MADD: variants seen among roughly 807,000 people sequenced by gnomAD.
MADD encodes the protein MAP kinase activating death domain.
A neutral mutation model predicts 176.7 loss-of-function variants in MADD; 109 were observed. The ratio of observed to expected loss-of-function variants is 0.62; its 90% CI spans 0.53 to 0.72. The LOEUF (loss-of-function observed/expected upper bound fraction) is 0.72. Among genes scored for constraint, MADD ranks in the 30% least tolerant of loss-of-function variants. The pLI is 0.00. For synonymous variants in MADD, 771 were observed against 771.3 expected (o/e 1.00, Z 0.01); for missense variants, 1,914 against 2,045.5 (o/e 0.94, Z 1.24).
chr11:47,322,293 C>T (rs2094586654), intron 27 of MADD, among the ~76,000 whole-genome samples: 1 of 151,990 alleles, frequency 6.6e-6, no homozygotes, highest in Admixed American at 6.6e-5. Flanking sequence ...GTAATGTCTC[C>T]CGTAACATTT....
chr11:47,280,928 A>G (rs1050231915), intron 7 of MADD, among the ~76,000 whole-genome samples: 12 of 152,208 alleles, frequency 7.9e-5, no homozygotes, highest in Admixed American at 2.6e-4. Context: ...CCTGTGTTCT[A>G]ACTCCTGCTA....
chr11:47,323,781 C>T, exon 28 of MADD: 1 of 1,614,174 alleles, frequency 6.2e-7, no homozygotes, highest in Non-Finnish European at 8.5e-7. Context: ...AGGTGTTGTG[C>T]TTGTGGCGTA....
At chr11:47,318,559 G>C (rs1442008145) in intron 27 of MADD, among the ~76,000 whole-genome samples, 1 of 152,056 alleles carries the variant, frequency 6.6e-6, no homozygotes, top group Non-Finnish European at 1.5e-5. Context: ...CAGATTCCTT[G>C]AACTACTCTT....
intron 19 of MADD, among the ~76,000 whole-genome samples, chr11:47,293,251 C>T (rs2138882700): frequency 6.6e-6 from 1 of 151,756 alleles, no homozygotes; most frequent in East Asian, 1.9e-4. Flanking sequence ...CAGTGAAGCT[C>T]AGACTCTTGA....
intron 15 of MADD, 127 bp downstream of exon 15, chr11:47,286,661 A>G (rs1163823739): frequency 1.5e-6 from 1 of 672,466 alleles, no homozygotes; most frequent in Non-Finnish European, 2.6e-6. Flanking sequence ...GTTGCTCCTC[A>G]TGGCTTTCAC....
At chr11:47,284,790 T>C (rs2059454659) in intron 12 of MADD, 151 bp from the exon 13 acceptor site, 2 of 1,259,792 alleles carry the variant, frequency 1.6e-6, no homozygotes, top group South Asian at 2.8e-5. Flanking sequence ...ATATAGTTTG[T>C]GGGGACAGAG....
intron 12 of MADD, 151 bp downstream of exon 12, chr11:47,284,716 A>T (rs1464926594): frequency 8.0e-7 from 1 of 1,242,754 alleles, no homozygotes; most frequent in East Asian, 2.5e-5. Context: ...AGCCTAAGAG[A>T]CCTACTTTTG....
At chr11:47,270,440 A>AG (rs1308002952) in intron 1 of MADD, among the ~76,000 whole-genome samples, 194 bp downstream of exon 1, 2 of 119,078 alleles carry the variant, frequency 1.7e-5, no homozygotes, top group Non-Finnish European at 3.4e-5. Context: ...CGGGCAGAGG[A>AG]GGGGGCTCAG....
chr11:47,324,099 C>A, intron 28 of MADD, 166 bp from the exon 32 acceptor site: 4 of 669,398 alleles, frequency 6.0e-6, no homozygotes, highest in Non-Finnish European at 1.1e-5. Context: ...TGCTCCGGAT[C>A]TATCATTCAT....
In MADD at chr11:47,284,564, C is replaced by G. The variant is rs1013008661; in HGVS notation, c.2156C>G (p.Ser719Cys). 3.7e-6 allele frequency: 6 copies of G among 1,613,432 alleles called. No individual in the cohort carries two copies. In the Admixed American group the frequency reaches 5.0e-5, roughly 13 times the overall value. ...AGCACTGTCATCCACGGAGCCAACT[C>G]TGTAAGTGAGGAGCGGTGGATGAGT... Residue 719 changes from serine (S) to cysteine (C), a missense_variant and splice_region_variant, in exon 12 of 33, where the codon TCT becomes TGT. Transcript: ENST00000402192.
rs756420276 is a variant in MADD at position 47,281,573 on chromosome 11, A to G, written c.1291-2A>G. The G allele has an allele frequency of 2.5e-6, 4 of 1,593,840 alleles. No individual in the cohort carries two copies. The highest frequency in any genetic ancestry group is 3.4e-6 in the Non-Finnish European group (4 of 1,166,348). On this transcript the variant is annotated splice_acceptor_variant, in intron 7 of 32. Transcript: ENST00000402192. LOFTEE classifies it high-confidence loss of function. ...GTAAGGAATTTTCTTGTTGTTCCAC[A>G]GGCCTTGGCCAGCATGAGTCTCAAC...
intron 14 of MADD, 49 bp from the exon 15 acceptor site, chr11:47,286,384 T>A: frequency 8.1e-7 from 1 of 1,241,780 alleles, no homozygotes; most frequent in South Asian, 1.2e-5. Flanking sequence ...TCTACTGCTT[T>A]GATTACTTAC....
At chr11:47,329,457 C>T in exon 33 of MADD, 1 of 357,380 alleles carries the variant, frequency 2.8e-6, no homozygotes, top group Non-Finnish European at 5.3e-6. Flanking sequence ...GTTGTGGTTC[C>T]TTGTCCTTGT....
chr11:47,275,707 C>T (rs2049108498), intron 3 of MADD, among the ~76,000 whole-genome samples, 192 bp from the exon 4 acceptor site: 1 of 152,200 alleles, frequency 6.6e-6, no homozygotes, highest in African/African-American at 2.4e-5. Context: ...TAAGTCTTAC[C>T]CAGTATATAT....
exon 12 of MADD, chr11:47,284,550 C>T (rs1232830532): frequency 3.7e-6 from 6 of 1,613,766 alleles, no homozygotes; most frequent in South Asian, 2.2e-5. Flanking sequence ...GCACTGTCAT[C>T]CACGGAGCCA....
chr11:47,303,958 G>C (rs921545702), intron 22 of MADD, among the ~76,000 whole-genome samples: 7 of 152,040 alleles, frequency 4.6e-5, no homozygotes, highest in Non-Finnish European at 7.4e-5. Flanking sequence ...GAGCTTCCTG[G>C]ATCTGGCTGT....
At chr11:47,324,952 T>G in intron 30 of MADD, 1 of 592,624 alleles carries the variant, frequency 1.7e-6, no homozygotes, top group Non-Finnish European at 3.0e-6. Context: ...GCTTTGAGAG[T>G]CTAGACTGGC....
intron 1 of MADD, 123 bp from the exon 2 acceptor site, chr11:47,273,700 AAGTT>A (rs2047121055): frequency 1.4e-5 from 7 of 489,230 alleles, no homozygotes; most frequent in Non-Finnish European, 2.6e-5. Flanking sequence ...GGCAAGCGTC[AAGTT>A]CTCCTATCAT....
intron 22 of MADD, among the ~76,000 whole-genome samples, chr11:47,307,261 T>C (rs1371337127): frequency 6.6e-6 from 1 of 152,148 alleles, no homozygotes; most frequent in Non-Finnish European, 1.5e-5. Flanking sequence ...CCAGTGTGTT[T>C]TAATTCCAAA....
Sources: allele counts gnomAD v4.1 joint callset (sites outside exome capture counted in the v4.1 genomes callset), GRCh38; gene constraint gnomAD v4.1.1; transcripts MANE v1.5; gene names NCBI Gene and HGNC (gene_info 2026-07-23, HGNC 2026-07-21).